Variants in LAMA2 observed in about 807,000 individuals in gnomAD.
The protein encoded by LAMA2 is laminin subunit alpha-2.
In LAMA2, 269 loss-of-function variants were observed where a neutral mutation model predicts 364.8. The ratio of observed to expected loss-of-function variants is 0.74; its 90% CI spans 0.67 to 0.82. The LOEUF (loss-of-function observed/expected upper bound fraction) is 0.82, where lower values mean the gene tolerates loss of function less well. Ranked by LOEUF, LAMA2 falls within the 40% of genes least tolerant of loss-of-function variation. The probability of loss-of-function intolerance (pLI) is 0.00; values close to 1 mark genes in which losing one functional copy is unlikely to be tolerated. For missense variants in LAMA2, 3,807 were observed against 3,873.2 expected, an observed-to-expected ratio of 0.98 and a Z score of 0.45; for synonymous variants, 1,379 against 1,370.6, an observed-to-expected ratio of 1.01 and a Z score of -0.14.
intron 1 of LAMA2, among the ~76,000 whole-genome samples, chr6:128,887,940 A>G (rs1215790230): frequency 6.6e-6 from 1 of 152,204 alleles, no homozygotes; most frequent in Non-Finnish European, 1.5e-5. Context: ...AGTTTGCAGT[A>G]GGGCCTTATT....
At chr6:129,071,794 T>G (rs1773334691) in intron 3 of LAMA2, among the ~76,000 whole-genome samples, 1 of 152,160 alleles carries the variant, frequency 6.6e-6, no homozygotes, top group African/African-American at 2.4e-5. Context: ...GAGACTAAAC[T>G]TTTTGAGACT....
chr6:129,264,619 T>C (rs1787372560), intron 15 of LAMA2, among the ~76,000 whole-genome samples: 1 of 152,082 alleles, frequency 6.6e-6, no homozygotes, highest in Non-Finnish European at 1.5e-5. Flanking sequence ...GCCCAAGCCC[T>C]GAGGAGCTCC....
At chr6:129,504,460 T>C (rs1167426817) in intron 60 of LAMA2, among the ~76,000 whole-genome samples, 1 of 152,246 alleles carries the variant, frequency 6.6e-6, no homozygotes, top group Admixed American at 6.5e-5. Context: ...TAAAATGAAG[T>C]GTGAAATTAC....
At chr6:129,399,538 C>T (rs1339663581) in intron 37 of LAMA2, among the ~76,000 whole-genome samples, 1 of 152,184 alleles carries the variant, frequency 6.6e-6, no homozygotes, top group Non-Finnish European at 1.5e-5. Flanking sequence ...GTGAGCAGAG[C>T]TGTGATCCCA....
intron 1 of LAMA2, among the ~76,000 whole-genome samples, chr6:128,936,786 A>G (rs1218441884): frequency 6.6e-6 from 1 of 152,210 alleles, no homozygotes; most frequent in East Asian, 1.9e-4. Context: ...ATGGTGAACG[A>G]CATAGGCATT....
chr6:128,970,655 A>G (rs558255671), intron 1 of LAMA2, among the ~76,000 whole-genome samples: 9 of 152,350 alleles, frequency 5.9e-5, no homozygotes, highest in Admixed American at 3.9e-4. Context: ...AGAAAATTCA[A>G]TTGTGGAAAA....
chr6:129,471,045 T>C (rs1301946020), intron 51 of LAMA2, among the ~76,000 whole-genome samples: 1 of 151,780 alleles, frequency 6.6e-6, no homozygotes, highest in Non-Finnish European at 1.5e-5. Flanking sequence ...ACACTTAGCT[T>C]ATAACAACTC....
chr6:128,921,709 T>TG (rs1453277376), intron 1 of LAMA2, among the ~76,000 whole-genome samples: 39 of 133,500 alleles, frequency 2.9e-4, no homozygotes, highest in African/African-American at 1.2e-3. Flanking sequence ...TTTTTTTTTT[T>TG]TTTTATTATT....
At chr6:129,007,452 C>T (rs1562913445) in intron 1 of LAMA2, among the ~76,000 whole-genome samples, 1 of 152,120 alleles carries the variant, frequency 6.6e-6, no homozygotes, top group Admixed American at 6.6e-5. Flanking sequence ...ATTCTAGATG[C>T]TATTCATCTT....
chr6:129,346,565 A>T (rs1776566411), intron 30 of LAMA2, among the ~76,000 whole-genome samples: 1 of 150,874 alleles, frequency 6.6e-6, no homozygotes, highest in South Asian at 2.1e-4. Context: ...ATGTGTACAT[A>T]TCTGTGTCTC....
At chr6:129,157,769 T>C (rs1779203449) in intron 8 of LAMA2, 9 of 1,612,910 alleles carry the variant, frequency 5.6e-6, no homozygotes, top group Non-Finnish European at 7.6e-6. Context: ...ATTGGTAGTC[T>C]TCCACGATCC....
intron 4 of LAMA2, among the ~76,000 whole-genome samples, chr6:129,114,821 A>C (rs1776374178): frequency 6.6e-6 from 1 of 151,994 alleles, no homozygotes; most frequent in Non-Finnish European, 1.5e-5. Context: ...CAGTCAGCCA[A>C]ATCAGACAAA....
At chr6:129,091,800 C>T (rs1774848088) in intron 3 of LAMA2, among the ~76,000 whole-genome samples, 1 of 152,192 alleles carries the variant, frequency 6.6e-6, no homozygotes, top group African/African-American at 2.4e-5. Context: ...CATATTTCCA[C>T]ATTAATGTTT....
At chr6:128,921,976 T>C (rs1223634165) in intron 1 of LAMA2, among the ~76,000 whole-genome samples, 1 of 151,662 alleles carries the variant, frequency 6.6e-6, no homozygotes, top group Non-Finnish European at 1.5e-5. Context: ...TTTGTCCTTG[T>C]GATAGTTTAC....
At chr6:129,158,167 CAT>C in intron 8 of LAMA2, 2 of 1,613,132 alleles carry the variant, frequency 1.2e-6, no homozygotes, top group Non-Finnish European at 1.7e-6. Flanking sequence ...TTCAGGAAGT[CAT>C]AGAGAGATCC....
At chr6:129,039,302 G>A (rs1008046100) in intron 1 of LAMA2, among the ~76,000 whole-genome samples, 2 of 152,158 alleles carry the variant, frequency 1.3e-5, no homozygotes, top group African/African-American at 4.8e-5. Context: ...ATTCTTTGTT[G>A]AAGGGACAAG....
At chr6:128,969,620 G>A (rs1283780683) in intron 1 of LAMA2, among the ~76,000 whole-genome samples, 19 of 151,918 alleles carry the variant, frequency 1.3e-4, no homozygotes, top group Admixed American at 1.2e-3. Context: ...TAGTAGATAT[G>A]AGGTTTCACC....
At chr6:129,280,830 C>A (rs1788666656) in intron 18 of LAMA2, among the ~76,000 whole-genome samples, 1 of 152,144 alleles carries the variant, frequency 6.6e-6, no homozygotes, top group South Asian at 2.1e-4. Flanking sequence ...AAAACAAAAA[C>A]CTCCCTCTGG....
chr6:129,408,463 G>A (rs569672466), intron 40 of LAMA2, among the ~76,000 whole-genome samples: 1 of 152,196 alleles, frequency 6.6e-6, no homozygotes, highest in Non-Finnish European at 1.5e-5. Flanking sequence ...GCAATGCTGT[G>A]TGGAATACCA....
Sources: gnomAD v4.1 joint callset for allele counts (sites outside exome capture counted in the v4.1 genomes callset) on GRCh38, gnomAD v4.1.1 for gene constraint, MANE v1.5 for transcripts, NCBI Gene and HGNC (gene_info 2026-07-23, HGNC 2026-07-21) for gene names.